KCNN2: variants seen among roughly 807,000 people sequenced by gnomAD.
KCNN2 encodes the protein small conductance calcium-activated potassium channel protein 2.
KCNN2 carries 24 observed loss-of-function variants against 55.5 expected under a neutral mutation model. The ratio of observed to expected loss-of-function variants is 0.43; its 90% CI spans 0.31 to 0.61. The LOEUF is 0.61. Among genes scored for constraint, KCNN2 ranks in the 20% least tolerant of loss-of-function variants. The probability of loss-of-function intolerance (pLI) is 0.08; values close to 1 mark genes in which losing one functional copy is unlikely to be tolerated. For synonymous variants in KCNN2, 431 were observed against 336.1 expected (o/e 1.28, Z -3.09); for missense variants, 754 against 853.6 (o/e 0.88, Z 1.45).
chr5:114,258,177 A>C (rs1755019409), intron 2 of KCNN2, among the ~76,000 whole-genome samples: 1 of 152,176 alleles, frequency 6.6e-6, no homozygotes, highest in Admixed American at 6.5e-5. Flanking sequence ...CCATCTTCGC[A>C]TCCCTGGAAT....
intron 1 of KCNN2, among the ~76,000 whole-genome samples, chr5:114,057,516 C>G (rs974449439): frequency 6.6e-6 from 1 of 152,226 alleles, no homozygotes; most frequent in Non-Finnish European, 1.5e-5. Context: ...CATCCATTCC[C>G]TCTGTGCCAG....
At chr5:114,090,221 A>G (rs1751108972) in intron 1 of KCNN2, among the ~76,000 whole-genome samples, 2 of 152,160 alleles carry the variant, frequency 1.3e-5, no homozygotes, top group South Asian at 4.1e-4. Context: ...AGTCAGGAAA[A>G]TCTCCAAGTA....
intron 1 of KCNN2, among the ~76,000 whole-genome samples, chr5:114,107,823 T>C (rs140641650): frequency 2.6e-5 from 4 of 152,236 alleles, no homozygotes; most frequent in South Asian, 2.1e-4. Flanking sequence ...CTTTACAACA[T>C]TGAGTTTTCC....
intron 2 of KCNN2, among the ~76,000 whole-genome samples, chr5:114,242,278 G>A (rs1350827260): frequency 2.2e-5 from 3 of 138,870 alleles, no homozygotes; most frequent in African/African-American, 7.6e-5. Context: ...ACATATGAAA[G>A]CCAAGACCCA....
intron 1 of KCNN2, among the ~76,000 whole-genome samples, chr5:114,088,954 T>C (rs1352432362): frequency 6.6e-6 from 1 of 152,226 alleles, no homozygotes. Flanking sequence ...AATATCAGTT[T>C]TAAAAAATTA....
chr5:114,271,136 G>C (rs1755322805), intron 2 of KCNN2, among the ~76,000 whole-genome samples: 1 of 152,074 alleles, frequency 6.6e-6, no homozygotes, highest in Admixed American at 6.6e-5. Context: ...CCTGCTGATT[G>C]GTCCGTTTTA....
chr5:114,312,776 G>A (rs942829446), intron 2 of KCNN2, among the ~76,000 whole-genome samples: 1 of 151,920 alleles, frequency 6.6e-6, no homozygotes, highest in Non-Finnish European at 1.5e-5. Context: ...CAGTTTTCAA[G>A]GCAATGTTTA....
At chr5:114,191,986 G>T (rs1047872171) in intron 1 of KCNN2, among the ~76,000 whole-genome samples, 4 of 152,124 alleles carry the variant, frequency 2.6e-5, no homozygotes, top group Admixed American at 6.6e-5. Flanking sequence ...AGAGACTAAT[G>T]AGTACAATCC....
chr5:114,217,914 C>A (rs1200166363), intron 1 of KCNN2, among the ~76,000 whole-genome samples: 3 of 151,806 alleles, frequency 2.0e-5, no homozygotes, highest in Admixed American at 2.0e-4. Flanking sequence ...AGAAAATGAC[C>A]AAATTAAAAA....
chr5:114,337,923 C>G (rs1289024389), intron 2 of KCNN2, among the ~76,000 whole-genome samples: 1 of 152,044 alleles, frequency 6.6e-6, no homozygotes, highest in Non-Finnish European at 1.5e-5. Flanking sequence ...CTGGATTGTA[C>G]CTTTAATAAA....
intron 7 of KCNN2, among the ~76,000 whole-genome samples, chr5:114,493,688 A>C (rs904375391): frequency 6.6e-6 from 1 of 152,202 alleles, no homozygotes; most frequent in African/African-American, 2.4e-5. Context: ...CCCCATTCTG[A>C]AAACATTCCT....
chr5:114,194,747 A>T (rs76769920), intron 1 of KCNN2, among the ~76,000 whole-genome samples: 281 of 152,162 alleles, frequency 1.8e-3, no homozygotes, highest in African/African-American at 6.6e-3. Flanking sequence ...ACATCTAAGA[A>T]ATCATTGCCT....
At chr5:114,419,940 A>G (rs1759425420) in intron 3 of KCNN2, among the ~76,000 whole-genome samples, 3 of 152,330 alleles carry the variant, frequency 2.0e-5, no homozygotes, top group Admixed American at 2.0e-4. Context: ...TGAGGCTGCA[A>G]TGAGCTATGA....
chr5:114,323,701 C>T (rs1179684334), intron 2 of KCNN2, among the ~76,000 whole-genome samples: 1 of 123,606 alleles, frequency 8.1e-6, no homozygotes, highest in African/African-American at 3.0e-5. Context: ...CTGTTGCCAG[C>T]CTGGAATGCA....
intron 3 of KCNN2, among the ~76,000 whole-genome samples, chr5:114,430,774 T>C (rs186552571): frequency 6.6e-5 from 10 of 152,180 alleles, no homozygotes; most frequent in Admixed American, 4.6e-4. Flanking sequence ...TCCCCTCTAT[T>C]CTTAGTTTCC....
chr5:114,162,398 G>A (rs2112532721), intron 1 of KCNN2, among the ~76,000 whole-genome samples: 1 of 152,278 alleles, frequency 6.6e-6, no homozygotes, highest in Admixed American at 6.5e-5. Flanking sequence ...CGTTTGAGGT[G>A]TCAGTCCGCC....
At chr5:114,194,409 T>C (rs922099535) in intron 1 of KCNN2, among the ~76,000 whole-genome samples, 6 of 152,116 alleles carry the variant, frequency 3.9e-5, no homozygotes, top group African/African-American at 1.2e-4. Flanking sequence ...AGTGAAGTGG[T>C]AACTCATTGA....
chr5:114,474,116 T>C (rs534067343), intron 5 of KCNN2, among the ~76,000 whole-genome samples: 48 of 152,318 alleles, frequency 3.2e-4, no homozygotes, highest in African/African-American at 1.1e-3. Context: ...TCAATAGATA[T>C]TTCAAGCATA....
intron 1 of KCNN2, among the ~76,000 whole-genome samples, chr5:114,064,537 C>G (rs1348080152): frequency 6.6e-6 from 1 of 152,146 alleles, no homozygotes; most frequent in Non-Finnish European, 1.5e-5. Context: ...GACCTTCTAT[C>G]CCAGCCCAGT....
Sources: allele counts gnomAD v4.1 joint callset (sites outside exome capture counted in the v4.1 genomes callset), GRCh38; gene constraint gnomAD v4.1.1; transcripts MANE v1.5; gene names NCBI Gene and HGNC (gene_info 2026-07-23, HGNC 2026-07-21).